The following GALNT13 variants were observed in gnomAD, a reference collection of about 807,000 sequenced individuals.
GALNT13 encodes the protein polypeptide N-acetylgalactosaminyltransferase 13.
A neutral mutation model predicts 64.2 loss-of-function variants in GALNT13; 28 were observed. The ratio of observed to expected loss-of-function variants is 0.44; its 90% CI spans 0.32 to 0.60. GALNT13 has a LOEUF of 0.60. GALNT13 is among the 20% of genes least tolerant of loss of function. The pLI, the probability that GALNT13 is intolerant of heterozygous loss-of-function variation, is 0.05. For synonymous variants in GALNT13, 214 were observed against 224.6 expected (o/e 0.95, Z 0.42); for missense variants, 577 against 669.8 (o/e 0.86, Z 1.53).
chr2:153,610,006 C>A, the GALNT13 span, among the ~76,000 whole-genome samples: 1 of 152,102 alleles, frequency 6.6e-6, no homozygotes, highest in African/African-American at 2.4e-5. Context: ...GAAGGGTAGG[C>A]TGTGTGCTAG....
the GALNT13 span, among the ~76,000 whole-genome samples, chr2:153,246,060 A>G: frequency 6.6e-6 from 1 of 151,964 alleles, no homozygotes; most frequent in African/African-American, 2.4e-5. Context: ...GAAATTGATG[A>G]TCACTTTGCT....
chr2:154,004,886 T>A (rs1276478282), intron 3 of GALNT13, among the ~76,000 whole-genome samples: 1 of 152,226 alleles, frequency 6.6e-6, no homozygotes, highest in Non-Finnish European at 1.5e-5. Context: ...ATCAGCATTT[T>A]ACATACTAAA....
chr2:154,320,079 T>C (rs1226829682), intron 9 of GALNT13, among the ~76,000 whole-genome samples: 1 of 152,104 alleles, frequency 6.6e-6, no homozygotes, highest in Non-Finnish European at 1.5e-5. Context: ...ATTATTTCTA[T>C]GGATACTGTG....
At chr2:153,438,330 C>T in the GALNT13 span, among the ~76,000 whole-genome samples, 3 of 152,122 alleles carry the variant, frequency 2.0e-5, no homozygotes, top group African/African-American at 7.2e-5. Context: ...CGAGGATTAT[C>T]TTTGTGGCAT....
the GALNT13 span, among the ~76,000 whole-genome samples, chr2:153,796,869 A>G: frequency 6.6e-6 from 1 of 152,208 alleles, no homozygotes; most frequent in African/African-American, 2.4e-5. Flanking sequence ...ATGGACAAAA[A>G]CCATATTTTA....
At chr2:154,179,675 G>T (rs898445524) in intron 4 of GALNT13, among the ~76,000 whole-genome samples, 1 of 151,954 alleles carries the variant, frequency 6.6e-6, no homozygotes, top group African/African-American at 2.4e-5. Context: ...CCACAAAGAC[G>T]TACTAAATGC....
chr2:153,327,980 G>A, the GALNT13 span, among the ~76,000 whole-genome samples: 1 of 152,080 alleles, frequency 6.6e-6, no homozygotes, highest in Non-Finnish European at 1.5e-5. Context: ...TGGTTTTTGT[G>A]TGAGGGTCCT....
chr2:154,164,991 C>T (rs1413433313), intron 4 of GALNT13, among the ~76,000 whole-genome samples: 1 of 151,992 alleles, frequency 6.6e-6, no homozygotes, highest in Non-Finnish European at 1.5e-5. Context: ...ATCTTTAATA[C>T]GTTAAGAAAC....
the GALNT13 span, among the ~76,000 whole-genome samples, chr2:153,631,079 T>C: frequency 1.4e-4 from 21 of 151,622 alleles, no homozygotes; most frequent in African/African-American, 4.6e-4. Flanking sequence ...TCTCTCCTTG[T>C]GATAGTTTGC....
chr2:153,340,161 CT>C, the GALNT13 span, among the ~76,000 whole-genome samples: 1 of 152,008 alleles, frequency 6.6e-6, no homozygotes, highest in Non-Finnish European at 1.5e-5. Context: ...GTAGGGATTG[CT>C]TTTGGTAGAA....
At chr2:153,752,302 T>G in the GALNT13 span, among the ~76,000 whole-genome samples, 10 of 152,032 alleles carry the variant, frequency 6.6e-5, no homozygotes, top group Non-Finnish European at 1.3e-4. Flanking sequence ...TGTGTTTTTT[T>G]GTGTGTGTGT....
At chr2:154,296,112 T>C (rs1692909776) in intron 8 of GALNT13, among the ~76,000 whole-genome samples, 1 of 152,180 alleles carries the variant, frequency 6.6e-6, no homozygotes, top group Admixed American at 6.5e-5. Context: ...CATAGCTCAT[T>C]CTTTCTTTTC....
chr2:153,207,915 C>T, the GALNT13 span, among the ~76,000 whole-genome samples: 1 of 152,112 alleles, frequency 6.6e-6, no homozygotes, highest in East Asian at 1.9e-4. Flanking sequence ...CCTTTTCTTG[C>T]CTCCACAAAA....
chr2:153,580,454 A>G, the GALNT13 span, among the ~76,000 whole-genome samples: 1 of 152,124 alleles, frequency 6.6e-6, no homozygotes, highest in East Asian at 1.9e-4. Flanking sequence ...TAGCTGAGGG[A>G]CTTCAGAATA....
At chr2:154,196,293 G>A (rs1412585681) in intron 4 of GALNT13, among the ~76,000 whole-genome samples, 1 of 151,776 alleles carries the variant, frequency 6.6e-6, no homozygotes, top group African/African-American at 2.4e-5. Context: ...GAGAACTCTG[G>A]GCTTTTTAAT....
At chr2:154,021,984 T>C (rs1001244559) in intron 3 of GALNT13, among the ~76,000 whole-genome samples, 3 of 152,222 alleles carry the variant, frequency 2.0e-5, no homozygotes, top group Non-Finnish European at 4.4e-5. Flanking sequence ...TCTTTGGTTC[T>C]GTTTATATGC....
chr2:153,306,183 C>G, the GALNT13 span, among the ~76,000 whole-genome samples: 1 of 152,192 alleles, frequency 6.6e-6, no homozygotes, highest in Non-Finnish European at 1.5e-5. Flanking sequence ...TGCCCACTCC[C>G]CAGCAAACAC....
the GALNT13 span, among the ~76,000 whole-genome samples, chr2:153,862,138 C>A: frequency 6.6e-6 from 1 of 152,110 alleles, no homozygotes; most frequent in Non-Finnish European, 1.5e-5. Flanking sequence ...AGCAATTACA[C>A]ACTTAGAAAG....
At chr2:153,830,411 G>T in the GALNT13 span, among the ~76,000 whole-genome samples, 3 of 152,080 alleles carry the variant, frequency 2.0e-5, no homozygotes, top group East Asian at 1.9e-4. Flanking sequence ...TTTTTTAAGG[G>T]TTTAGGACAT....
Sources: allele counts gnomAD v4.1 joint callset (sites outside exome capture counted in the v4.1 genomes callset), GRCh38; gene constraint gnomAD v4.1.1; transcripts MANE v1.5; gene names NCBI Gene and HGNC (gene_info 2026-07-23, HGNC 2026-07-21).